The following ZNF782 variants were observed in gnomAD, a reference collection of about 807,000 sequenced individuals.
ZNF782 encodes the protein zinc finger protein 782.
ZNF782 carries 12 observed loss-of-function variants against 13.0 expected under a neutral mutation model. The ratio of observed to expected loss-of-function variants is 0.92; its 90% CI spans 0.59 to 1.50. The LOEUF is 1.50. Ranked by LOEUF, ZNF782 falls within the 40% of genes most tolerant of loss-of-function variation. ZNF782 has a pLI of 0.00. For synonymous variants in ZNF782, 284 were observed against 283.0 expected, an observed-to-expected ratio of 1.00 and a Z score of -0.04; for missense variants, 770 against 822.9, an observed-to-expected ratio of 0.94 and a Z score of 0.79.
chr9:96,931,802 C>T, the ZNF782 span: 4 of 1,611,780 alleles, frequency 2.5e-6, no homozygotes, highest in Non-Finnish European at 3.4e-6. Context: ...CTTTGCCACA[C>T]CCTCTCCCGG....
chr9:96,875,486 T>G, exon 1 of ZNF782: 1 of 456,730 alleles, frequency 2.2e-6, no homozygotes, highest in Non-Finnish European at 4.4e-6. Context: ...AAGCTGGAAT[T>G]TATGCAGCTC....
At chr9:96,931,041 C>G in the ZNF782 span, among the ~76,000 whole-genome samples, 9 of 151,732 alleles carry the variant, frequency 5.9e-5, no homozygotes, top group Non-Finnish European at 1.2e-4. Flanking sequence ...ATTACAGGCA[C>G]GCATCATCAG....
upstream of ZNF782, among the ~76,000 whole-genome samples, chr9:96,879,210 C>T (rs944367247): frequency 2.6e-5 from 4 of 152,154 alleles, no homozygotes; most frequent in Non-Finnish European, 2.9e-5. Flanking sequence ...ATACTTAGGC[C>T]GGGCGCAGTG....
the ZNF782 span, among the ~76,000 whole-genome samples, chr9:96,881,551 TAA>T: frequency 6.6e-6 from 1 of 152,116 alleles, no homozygotes; most frequent in South Asian, 2.1e-4. Context: ...GGAAAAAAAT[TAA>T]AGACTATAAT....
In ZNF782 at chr9:96,819,653, G is replaced by A. The variant is rs769974977; in HGVS notation, c.370C>T (p.Arg124Ter). Residue 124 changes from arginine to a stop codon, truncating the protein, a stop_gained, in exon 6 of 6, where the codon CGA (arginine) becomes TGA (stop). Transcript: ENST00000481138. LOFTEE classifies it low-confidence loss of function (END_TRUNC). ...EQEISGKPHN[R>*]DINIFRARMM... ...CTTGCACGAAAAATGTTTATGTCTC[G>A]ATTATGTGGTTTTCCTGAAATTTCT... The A allele has an allele frequency of 5.0e-6, 8 of 1,613,946 alleles. No homozygotes were observed. In the East Asian group the frequency reaches 6.7e-5, roughly 13 times the overall value.
intron 1 of ZNF782, among the ~76,000 whole-genome samples, chr9:96,875,177 T>C (rs1851878320): frequency 6.6e-6 from 1 of 152,212 alleles, no homozygotes; most frequent in Admixed American, 6.5e-5. Flanking sequence ...GTGGGCGCAC[T>C]GTTCCTCCAA....
intron 1 of ZNF782, among the ~76,000 whole-genome samples, chr9:96,853,713 G>A (rs1851573116): frequency 1.3e-5 from 2 of 152,190 alleles, no homozygotes; most frequent in African/African-American, 4.8e-5. Flanking sequence ...TGCTGTGAAG[G>A]CTGCAATGCT....
chr9:96,930,319 T>C, the ZNF782 span, among the ~76,000 whole-genome samples: 3 of 151,286 alleles, frequency 2.0e-5, no homozygotes, highest in East Asian at 5.8e-4. Flanking sequence ...GGTCAAGGAG[T>C]TCAAGACCAG....
chr9:96,851,349 G>A (rs568008030), intron 3 of ZNF782, among the ~76,000 whole-genome samples: 19 of 152,074 alleles, frequency 1.2e-4, no homozygotes, highest in African/African-American at 3.6e-4. Flanking sequence ...AAAAGTCTTC[G>A]CAAGGTCCAA....
chr9:96,830,803 G>T (rs1187837452), intron 4 of ZNF782, among the ~76,000 whole-genome samples: 1 of 152,110 alleles, frequency 6.6e-6, no homozygotes. Context: ...CTTTAAATAA[G>T]CCATCATATA....
the ZNF782 span, chr9:96,931,770 T>C: frequency 8.7e-6 from 14 of 1,611,494 alleles, no homozygotes; most frequent in Admixed American, 2.2e-4. Context: ...GGCACCTCCC[T>C]GTCTGTGTTC....
the ZNF782 span, chr9:96,891,475 C>T: frequency 6.6e-6 from 1 of 151,910 alleles, no homozygotes. Context: ...ACTTGTATAA[C>T]TCAAATCCTT....
At chr9:96,882,035 CAT>C in the ZNF782 span, among the ~76,000 whole-genome samples, 2 of 150,542 alleles carry the variant, frequency 1.3e-5, no homozygotes, top group African/African-American at 2.4e-5. Context: ...ATTGTAATAA[CAT>C]ATAATCAGAA....
At chr9:96,825,811 C>G (rs1430275553) in intron 5 of ZNF782, among the ~76,000 whole-genome samples, 2 of 152,014 alleles carry the variant, frequency 1.3e-5, no homozygotes, top group Non-Finnish European at 2.9e-5. Context: ...CTCACCATCA[C>G]TGGCCATCAG....
At chr9:96,844,852 T>A (rs1851298340) in intron 4 of ZNF782, 38 bp downstream of exon 4, 1 of 1,613,466 alleles carries the variant, frequency 6.2e-7, no homozygotes, top group Non-Finnish European at 8.5e-7. Context: ...GAAACAGAAC[T>A]GCACTCTGGA....
chr9:96,830,212 T>C (rs1454882219), intron 4 of ZNF782, among the ~76,000 whole-genome samples: 1 of 152,184 alleles, frequency 6.6e-6, no homozygotes, highest in Admixed American at 6.5e-5. Context: ...ATAAAAAATA[T>C]GTTCTCCACT....
chr9:96,822,061 T>G (rs1455680054), intron 5 of ZNF782, among the ~76,000 whole-genome samples: 1 of 152,242 alleles, frequency 6.6e-6, no homozygotes, highest in Non-Finnish European at 1.5e-5. Context: ...TATATCTCTC[T>G]GTAATTTATA....
At chr9:96,932,978 C>CTTTTTTTTTTT in the ZNF782 span, among the ~76,000 whole-genome samples, 1 of 129,430 alleles carries the variant, frequency 7.7e-6, no homozygotes, top group East Asian at 2.7e-4. Flanking sequence ...CTTTTCTTTT[C>CTTTTTTTTTTT]TTTTTTTTTT....
chr9:96,913,615 C>T, the ZNF782 span, among the ~76,000 whole-genome samples: 4 of 150,540 alleles, frequency 2.7e-5, no homozygotes, highest in Admixed American at 6.6e-5. Context: ...CCTCCACCCC[C>T]GCAATTCAAG....
Sources: allele counts gnomAD v4.1 joint callset (sites outside exome capture counted in the v4.1 genomes callset), GRCh38; gene constraint gnomAD v4.1.1; transcripts MANE v1.5; gene names NCBI Gene and HGNC (gene_info 2026-07-23, HGNC 2026-07-21).